The following RYR2 variants were observed in gnomAD, a reference collection of about 807,000 sequenced individuals.
The protein encoded by RYR2 is cardiac muscle ryanodine receptor-calcium release channel.
Under a neutral mutation model 601.1 loss-of-function variants are expected in RYR2, and 227 were observed. That is an observed-to-expected ratio of 0.38 (90% CI 0.34 to 0.42). RYR2 has a LOEUF of 0.42. Among genes scored for constraint, RYR2 ranks in the 10% least tolerant of loss-of-function variants. The pLI is 1.00. For missense variants in RYR2, 4,646 were observed against 6,156.5 expected, an observed-to-expected ratio of 0.75 and a Z score of 8.21; for synonymous variants, 2,223 against 2,175.1, an observed-to-expected ratio of 1.02 and a Z score of -0.61.
chr1:237,422,066 A>T (rs897182744), intron 11 of RYR2, among the ~76,000 whole-genome samples: 1 of 152,078 alleles, frequency 6.6e-6, no homozygotes, highest in East Asian at 1.9e-4. Context: ...CTCACTTTGC[A>T]TGGTACGGTG....
chr1:237,676,588 C>T (rs1685419537), intron 60 of RYR2, among the ~76,000 whole-genome samples: 1 of 152,166 alleles, frequency 6.6e-6, no homozygotes. Context: ...GCAGATAGAG[C>T]TGTGATTGTC....
chr1:237,419,881 G>A (rs1705382966), intron 11 of RYR2, among the ~76,000 whole-genome samples: 1 of 151,978 alleles, frequency 6.6e-6, no homozygotes, highest in African/African-American at 2.4e-5. Flanking sequence ...AAGTTTACAT[G>A]TCTTATATGC....
intron 26 of RYR2, among the ~76,000 whole-genome samples, chr1:237,549,224 G>A (rs1020280502): frequency 7.2e-5 from 11 of 152,182 alleles, no homozygotes; most frequent in Admixed American, 5.9e-4. Flanking sequence ...AGGTATTCAG[G>A]ATTAGGTATT....
At chr1:237,256,168 A>T (rs985154729) in intron 1 of RYR2, among the ~76,000 whole-genome samples, 1 of 152,090 alleles carries the variant, frequency 6.6e-6, no homozygotes, top group Admixed American at 6.6e-5. Context: ...ATGAAATCTG[A>T]TGATTTTATA....
At chr1:237,386,993 CA>C (rs1411578267) in intron 8 of RYR2, among the ~76,000 whole-genome samples, 1 of 152,130 alleles carries the variant, frequency 6.6e-6, no homozygotes, top group Non-Finnish European at 1.5e-5. Context: ...ATCGTTAAAA[CA>C]AAAATAGTAT....
At chr1:237,061,253 CATCT>C (rs1318839031) in intron 1 of RYR2, among the ~76,000 whole-genome samples, 3 of 75,770 alleles carry the variant, frequency 4.0e-5, no homozygotes, top group South Asian at 8.9e-4. Context: ...ATCTATCTAT[CATCT>C]ATCTATCTAT....
intron 8 of RYR2, among the ~76,000 whole-genome samples, chr1:237,379,459 G>T (rs541126281): frequency 6.6e-6 from 1 of 152,264 alleles, no homozygotes; most frequent in East Asian, 1.9e-4. Context: ...TTATTGTGAG[G>T]AAGCAATGAG....
chr1:237,661,034 A>C (rs1397187994), intron 56 of RYR2, 87 bp downstream of exon 56: 1 of 1,186,090 alleles, frequency 8.4e-7, no homozygotes. Context: ...TTTCTAAAGA[A>C]TAATCTGAAA....
intron 8 of RYR2, among the ~76,000 whole-genome samples, chr1:237,386,049 A>G (rs1701933528): frequency 6.6e-6 from 1 of 152,248 alleles, no homozygotes; most frequent in South Asian, 2.1e-4. Flanking sequence ...AGCTGGGATT[A>G]CAGCTAAGAC....
chr1:237,697,343 GTA>G (rs1275946605), intron 63 of RYR2, among the ~76,000 whole-genome samples: 1 of 137,842 alleles, frequency 7.3e-6, no homozygotes, highest in African/African-American at 2.7e-5. Context: ...TATATATATA[GTA>G]TATATATATA....
chr1:237,772,849 T>C (rs1356725794), intron 86 of RYR2, among the ~76,000 whole-genome samples: 28 of 152,072 alleles, frequency 1.8e-4, no homozygotes, highest in Admixed American at 1.8e-3. Context: ...TGAAAACACA[T>C]TTGTCATTTT....
chr1:237,558,613 T>G (rs538722712), intron 27 of RYR2, among the ~76,000 whole-genome samples: 1 of 152,170 alleles, frequency 6.6e-6, no homozygotes, highest in Non-Finnish European at 1.5e-5. Context: ...ATCCCCAAAG[T>G]TTACTGTACT....
chr1:237,735,617 A>T (rs1317594074), intron 79 of RYR2, among the ~76,000 whole-genome samples: 1 of 152,200 alleles, frequency 6.6e-6, no homozygotes, highest in Admixed American at 6.5e-5. Context: ...GTCATCTCTC[A>T]GTATTCATGG....
chr1:237,578,868 G>T (rs1427665361), intron 29 of RYR2, among the ~76,000 whole-genome samples: 1 of 152,134 alleles, frequency 6.6e-6, no homozygotes, highest in African/African-American at 2.4e-5. Context: ...GAACAGAAGA[G>T]TCCTGCAGTG....
At chr1:237,293,587 A>G (rs1692459492) in intron 2 of RYR2, among the ~76,000 whole-genome samples, 1 of 152,162 alleles carries the variant, frequency 6.6e-6, no homozygotes. Context: ...AGGGGTTCCC[A>G]TGATCCCCCT....
chr1:237,594,886 GTTTTTTTTTTTTTTTTTTTTTTTTTTTT>G (rs776702428), intron 33 of RYR2, among the ~76,000 whole-genome samples: 7 of 60,420 alleles, frequency 1.2e-4, no homozygotes, highest in South Asian at 7.1e-4. Context: ...ATATCACTGG[GTTTTTTTTTTTTTTTTTTTTTTTTTTTT>G]TTTTTTTTTT....
intron 12 of RYR2, among the ~76,000 whole-genome samples, chr1:237,424,640 C>T (rs1323306285): frequency 6.6e-6 from 1 of 152,172 alleles, no homozygotes; most frequent in African/African-American, 2.4e-5. Flanking sequence ...CTTTGCCCCT[C>T]TCTAGAGATC....
chr1:237,162,514 GT>G (rs993761576), intron 1 of RYR2, among the ~76,000 whole-genome samples: 11 of 151,806 alleles, frequency 7.2e-5, no homozygotes, highest in African/African-American at 2.4e-4. Flanking sequence ...CAAAAAATTG[GT>G]TTTGCAATCC....
intron 61 of RYR2, among the ~76,000 whole-genome samples, chr1:237,678,684 G>T (rs746105439): frequency 1.3e-5 from 2 of 152,154 alleles, no homozygotes; most frequent in Non-Finnish European, 2.9e-5. Context: ...AGCCAAAAAG[G>T]GATGGACATG....
Sources: allele counts gnomAD v4.1 joint callset (sites outside exome capture counted in the v4.1 genomes callset), GRCh38; gene constraint gnomAD v4.1.1; transcripts MANE v1.5; gene names NCBI Gene and HGNC (gene_info 2026-07-23, HGNC 2026-07-21).